The following PREX1 variants were observed in gnomAD, a reference collection of about 807,000 sequenced individuals.
PREX1 encodes the protein phosphatidylinositol 3,4,5-trisphosphate-dependent Rac exchanger 1 protein.
A neutral mutation model predicts 198.3 loss-of-function variants in PREX1; 41 were observed. The ratio of observed to expected loss-of-function variants is 0.21; its 90% confidence interval spans 0.16 to 0.27. The LOEUF is 0.27. Ranked by LOEUF, PREX1 falls within the 10% of genes least tolerant of loss-of-function variation. The pLI is 1.00. For synonymous variants in PREX1, 843 were observed against 887.2 expected (o/e 0.95, Z 0.89); for missense variants, 1,620 against 2,200.7 (o/e 0.74, Z 5.28).
chr20:48,856,191 G>A, the PREX1 span, among the ~76,000 whole-genome samples: 6 of 152,336 alleles, frequency 3.9e-5, no homozygotes, highest in East Asian at 1.2e-3. Flanking sequence ...CGGCAGACAA[G>A]GCCTTGCTGT....
At chr20:48,755,431 G>A (rs2090152118) in intron 1 of PREX1, among the ~76,000 whole-genome samples, 1 of 152,208 alleles carries the variant, frequency 6.6e-6, no homozygotes, top group Admixed American at 6.5e-5. Flanking sequence ...GCAGCTAGGT[G>A]TGGGCATGCA....
intron 9 of PREX1, among the ~76,000 whole-genome samples, chr20:48,690,018 C>T (rs758236103): frequency 3.3e-5 from 5 of 152,056 alleles, no homozygotes; most frequent in East Asian, 1.9e-4. Context: ...AGGGGTGATA[C>T]GAAGAGTTTG....
chr20:48,836,423 A>T, the PREX1 span, among the ~76,000 whole-genome samples: 1 of 152,166 alleles, frequency 6.6e-6, no homozygotes, highest in Non-Finnish European at 1.5e-5. Context: ...AACAGGGGTG[A>T]GGGACAGTTC....
At chr20:48,858,991 G>T in the PREX1 span, among the ~76,000 whole-genome samples, 1 of 151,998 alleles carries the variant, frequency 6.6e-6, no homozygotes, top group Non-Finnish European at 1.5e-5. Flanking sequence ...CAACTCTTTG[G>T]CTCAAGTGAT....
chr20:48,753,126 C>T (rs1178056558), intron 1 of PREX1, among the ~76,000 whole-genome samples: 1 of 152,094 alleles, frequency 6.6e-6, no homozygotes, highest in East Asian at 1.9e-4. Flanking sequence ...TTTCCAGGGT[C>T]CCCAGAGCTC....
At chr20:48,729,740 C>A (rs1013213253) in intron 4 of PREX1, among the ~76,000 whole-genome samples, 14 of 152,200 alleles carry the variant, frequency 9.2e-5, no homozygotes, top group African/African-American at 3.4e-4. Flanking sequence ...ACGCTGTTCG[C>A]AGACACCATC....
the PREX1 span, among the ~76,000 whole-genome samples, chr20:48,836,653 G>A: frequency 2.2e-4 from 33 of 152,176 alleles, no homozygotes; most frequent in East Asian, 5.0e-3. Flanking sequence ...GGTGGCTCAC[G>A]CCTGTAATCC....
intron 39 of PREX1, among the ~76,000 whole-genome samples, chr20:48,626,644 C>A (rs566243051): frequency 6.6e-6 from 1 of 152,206 alleles, no homozygotes; most frequent in Non-Finnish European, 1.5e-5. Flanking sequence ...TCGTGAGACA[C>A]AAACAAGGTG....
rs199817612 is a variant in PREX1 at position 48,632,396 on chromosome 20, G to A, written c.4412-5C>T. The A allele has an allele frequency of 2.8e-5, 45 of 1,613,676 alleles. No individual in the cohort carries two copies. In the African/African-American group the frequency reaches 4.1e-4, roughly 15 times the overall value. On this transcript the variant is annotated splice_polypyrimidine_tract_variant and splice_region_variant and intron_variant, in intron 34 of 39. Coordinates refer to ENST00000371941, the MANE Select transcript of PREX1 (RefSeq NM_020820.4). ...GCCCCTCCACGTTCTCCAGCACTGG[G>A]AGGGGAGATGTCGGGGGCGGGCAGG...
the PREX1 span, among the ~76,000 whole-genome samples, chr20:48,870,288 C>T: frequency 3.3e-5 from 5 of 152,072 alleles, no homozygotes; most frequent in Admixed American, 1.3e-4. Context: ...AAATAATGTG[C>T]GATACAAACA....
intron 27 of PREX1, 69 bp from the exon 28 acceptor site, chr20:48,642,558 C>T: frequency 7.3e-7 from 1 of 1,361,214 alleles, no homozygotes; most frequent in Non-Finnish European, 1.0e-6. Flanking sequence ...CAGCACTTTC[C>T]TAAGAGGGGG....
At chr20:48,813,096 C>T (rs559509501) in intron 1 of PREX1, among the ~76,000 whole-genome samples, 9 of 152,372 alleles carry the variant, frequency 5.9e-5, no homozygotes, top group East Asian at 1.9e-4. Flanking sequence ...CCACCCCCAA[C>T]GGCCCAGATG....
intron 10 of PREX1, among the ~76,000 whole-genome samples, chr20:48,682,628 G>A (rs1302382174): frequency 6.6e-6 from 1 of 152,334 alleles, no homozygotes; most frequent in South Asian, 2.1e-4. Context: ...AGACAGAAGT[G>A]CTCCCAGGCC....
chr20:48,851,331 A>T, the PREX1 span, among the ~76,000 whole-genome samples: 1 of 151,976 alleles, frequency 6.6e-6, no homozygotes, highest in Non-Finnish European at 1.5e-5. Flanking sequence ...ACATGGTGAA[A>T]CCCCATCTCT....
intron 1 of PREX1, among the ~76,000 whole-genome samples, chr20:48,770,018 G>T (rs2090228120): frequency 6.6e-6 from 1 of 152,142 alleles, no homozygotes; most frequent in South Asian, 2.1e-4. Context: ...GTAAATTTGA[G>T]GTTTATCACG....
At chr20:48,698,163 G>A (rs1452763314) in intron 7 of PREX1, among the ~76,000 whole-genome samples, 1 of 152,236 alleles carries the variant, frequency 6.6e-6, no homozygotes, top group African/African-American at 2.4e-5. Flanking sequence ...ACTTGTGGAA[G>A]TGAGGTGGGG....
At chr20:48,852,517 T>G in the PREX1 span, among the ~76,000 whole-genome samples, 1 of 152,186 alleles carries the variant, frequency 6.6e-6, no homozygotes, top group Admixed American at 6.5e-5. Context: ...AACCAATGCT[T>G]TTTAAACTTT....
the PREX1 span, among the ~76,000 whole-genome samples, chr20:48,844,395 A>G: frequency 2.0e-5 from 3 of 152,002 alleles, no homozygotes; most frequent in East Asian, 5.8e-4. Flanking sequence ...CCTTCTCCCT[A>G]TTGAAACCCC....
At chr20:48,630,623 G>A (rs3827041) in intron 36 of PREX1, 105 bp downstream of exon 36, 96,400 of 1,007,498 alleles carry the variant, frequency 0.096, 5,240 homozygotes, top group East Asian at 0.17. Flanking sequence ...GGGCTTTGGG[G>A]CTAGAATCTG....
Sources: allele counts gnomAD v4.1 joint callset (sites outside exome capture counted in the v4.1 genomes callset), GRCh38; gene constraint gnomAD v4.1.1; transcripts MANE v1.5; gene names NCBI Gene and HGNC (gene_info 2026-07-23, HGNC 2026-07-21).